Variants in CDH4 observed in about 807,000 individuals in gnomAD.
CDH4 encodes the protein cadherin 4.
Under a neutral mutation model 86.0 loss-of-function variants are expected in CDH4, and 33 were observed. The ratio of observed to expected loss-of-function variants is 0.38; its 90% CI spans 0.29 to 0.51. The LOEUF (loss-of-function observed/expected upper bound fraction) is 0.51. CDH4 is among the 20% of genes least tolerant of loss of function. The pLI is 0.86. For synonymous variants in CDH4, 555 were observed against 549.4 expected (o/e 1.01, Z -0.14); for missense variants, 1,114 against 1,307.4 (o/e 0.85, Z 2.28).
intron 2 of CDH4, among the ~76,000 whole-genome samples, chr20:61,439,937 A>G (rs1280927932): frequency 1.3e-5 from 2 of 152,194 alleles, no homozygotes. Flanking sequence ...TCCCACTCTA[A>G]CATGCCTCAC....
chr20:61,818,687 A>G (rs1568832796), intron 4 of CDH4, among the ~76,000 whole-genome samples: 1 of 105,120 alleles, frequency 9.5e-6, no homozygotes, highest in Non-Finnish European at 2.5e-5. Flanking sequence ...AAAACTAAAA[A>G]TTTAAAAAAA....
intron 2 of CDH4, among the ~76,000 whole-genome samples, chr20:61,278,680 C>G (rs932267302): frequency 1.3e-5 from 2 of 152,232 alleles, no homozygotes; most frequent in Non-Finnish European, 2.9e-5. Context: ...GGCCATTTGG[C>G]AGGGACTTTG....
chr20:61,713,531 G>T (rs996762376), intron 2 of CDH4, among the ~76,000 whole-genome samples: 1 of 152,380 alleles, frequency 6.6e-6, no homozygotes, highest in East Asian at 1.9e-4. Flanking sequence ...GAGCTCCCCA[G>T]GACGGAGAGC....
intron 2 of CDH4, among the ~76,000 whole-genome samples, chr20:61,354,493 C>T (rs28649673): frequency 0.029 from 4,468 of 152,298 alleles, 177 homozygotes; most frequent in African/African-American, 0.097. Context: ...GTGGCTGTTG[C>T]TGCTGCTGTT....
chr20:61,882,104 C>A (rs978643099), intron 7 of CDH4, among the ~76,000 whole-genome samples: 10 of 152,226 alleles, frequency 6.6e-5, no homozygotes, highest in Non-Finnish European at 1.2e-4. Flanking sequence ...GAACCTCTGG[C>A]CTTCCGGACT....
chr20:61,615,373 C>T (rs1568714197), intron 2 of CDH4, among the ~76,000 whole-genome samples: 1 of 151,104 alleles, frequency 6.6e-6, no homozygotes, highest in African/African-American at 2.5e-5. Flanking sequence ...CCACCCACCT[C>T]GGCCTCCCAA....
At chr20:61,324,594 G>A (rs1472596763) in intron 2 of CDH4, among the ~76,000 whole-genome samples, 1 of 152,154 alleles carries the variant, frequency 6.6e-6, no homozygotes, top group East Asian at 1.9e-4. Flanking sequence ...TGTAAGGACA[G>A]CAGTCATGGG....
At chr20:61,891,735 A>G (rs904694906) in intron 7 of CDH4, among the ~76,000 whole-genome samples, 6 of 152,110 alleles carry the variant, frequency 3.9e-5, no homozygotes, top group African/African-American at 1.4e-4. Context: ...GGCCTTGTGG[A>G]ACACCCCAGA....
intron 2 of CDH4, among the ~76,000 whole-genome samples, chr20:61,704,064 G>A (rs1010652166): frequency 5.3e-5 from 8 of 151,966 alleles, no homozygotes; most frequent in Non-Finnish European, 1.2e-4. Flanking sequence ...GCTGAGCCTG[G>A]AAGAAGCAGC....
At chr20:61,530,190 C>G (rs6061605) in intron 2 of CDH4, among the ~76,000 whole-genome samples, 12,771 of 152,086 alleles carry the variant, frequency 0.084, 803 homozygotes, top group African/African-American at 0.17. Flanking sequence ...CCACCCCACA[C>G]CCGGCTAATT....
At chr20:61,558,430 T>C (rs2748151) in intron 2 of CDH4, among the ~76,000 whole-genome samples, 104,003 of 151,926 alleles carry the variant, frequency 0.68, 36,023 homozygotes, top group East Asian at 0.79. Flanking sequence ...TAGGTAACTT[T>C]GTAAATCCTT....
At chr20:61,743,456 C>T in intron 2 of CDH4, 107 bp from the exon 3 acceptor site, 1 of 785,142 alleles carries the variant, frequency 1.3e-6, no homozygotes. Context: ...AACCTCATGC[C>T]CCTCATGCCC....
At chr20:61,367,707 A>T (rs1003692211) in intron 2 of CDH4, among the ~76,000 whole-genome samples, 1 of 152,140 alleles carries the variant, frequency 6.6e-6, no homozygotes, top group Non-Finnish European at 1.5e-5. Flanking sequence ...AATCAATGAG[A>T]AGGGAATCAT....
intron 2 of CDH4, among the ~76,000 whole-genome samples, chr20:61,414,199 G>A (rs1358660330): frequency 2.0e-5 from 3 of 152,228 alleles, no homozygotes; most frequent in South Asian, 2.1e-4. Flanking sequence ...TGAATCTTGG[G>A]GAATGCAGGT....
intron 2 of CDH4, among the ~76,000 whole-genome samples, chr20:61,454,006 G>T (rs2085393983): frequency 6.6e-6 from 1 of 152,172 alleles, no homozygotes; most frequent in Non-Finnish European, 1.5e-5. Flanking sequence ...GTTTCCTGAG[G>T]CCTCCCCAGC....
At chr20:61,559,109 G>T (rs1159418752) in intron 2 of CDH4, among the ~76,000 whole-genome samples, 2 of 152,208 alleles carry the variant, frequency 1.3e-5, no homozygotes, top group African/African-American at 4.8e-5. Flanking sequence ...ATGAGGTCAG[G>T]AGTTTGAGAC....
intron 6 of CDH4, among the ~76,000 whole-genome samples, chr20:61,868,227 C>T (rs568556167): frequency 1.9e-4 from 29 of 152,322 alleles, no homozygotes; most frequent in South Asian, 1.7e-3. Context: ...GCCAGGACCC[C>T]TTCCCAGGGC....
rs568222068 is a variant in CDH4 at position 61,599,557 on chromosome 20, C to T, written c.170-144006C>T. Reference sequence around the variant, plus strand: ...GGATACGTGGAAGACAGACCTAAGCCGGCCAGCCTCCCAGGCGGGGCAGCC... The same window carrying T: ...GGATACGTGGAAGACAGACCTAAGCTGGCCAGCCTCCCAGGCGGGGCAGCC... On this transcript the variant is annotated intron_variant, in intron 2 of 15. Transcript: ENST00000614565. Among the ~76,000 whole-genome samples the T allele has an allele frequency of 2.5e-3, 378 of 152,324 alleles. 2 individuals carry two copies. The highest frequency in any genetic ancestry group is 8.4e-3 in the African/African-American group (348 of 41,576).
At chr20:61,882,150 A>C (rs985096144) in intron 7 of CDH4, among the ~76,000 whole-genome samples, 4 of 152,218 alleles carry the variant, frequency 2.6e-5, no homozygotes, top group Non-Finnish European at 5.9e-5. Context: ...CCAGACCCTG[A>C]CAGGAAGCAG....
Sources: allele counts gnomAD v4.1 joint callset (sites outside exome capture counted in the v4.1 genomes callset), GRCh38; gene constraint gnomAD v4.1.1; transcripts MANE v1.5; gene names NCBI Gene and HGNC (gene_info 2026-07-23, HGNC 2026-07-21).